Variants in GRXCR1 observed in about 807,000 individuals in gnomAD.
The protein encoded by GRXCR1 is glutaredoxin and cysteine rich domain containing 1, also known as glutaredoxin domain-containing cysteine-rich protein 1.
A neutral mutation model predicts 27.3 loss-of-function variants in GRXCR1; 27 were observed. The ratio of observed to expected loss-of-function variants is 0.99; its 90% CI spans 0.73 to 1.37. The LOEUF (loss-of-function observed/expected upper bound fraction) is 1.37. Among genes scored for constraint, GRXCR1 ranks in the 40% most tolerant of loss-of-function variants. The probability of loss-of-function intolerance (pLI) is 0.00; values close to 1 mark genes in which losing one functional copy is unlikely to be tolerated. For missense variants in GRXCR1, 379 were observed against 354.4 expected, an observed-to-expected ratio of 1.07 and a Z score of -0.56; for synonymous variants, 122 against 131.1, an observed-to-expected ratio of 0.93 and a Z score of 0.47.
chr4:42,980,513 G>T (rs1366460218), intron 2 of GRXCR1, among the ~76,000 whole-genome samples: 1 of 151,906 alleles, frequency 6.6e-6, no homozygotes, highest in Non-Finnish European at 1.5e-5. Context: ...TACTTGATAT[G>T]ATTTTAATCT....
chr4:42,941,277 C>T (rs1462251740), intron 1 of GRXCR1, among the ~76,000 whole-genome samples: 1 of 151,938 alleles, frequency 6.6e-6, no homozygotes, highest in East Asian at 1.9e-4. Context: ...TTTCAATTAC[C>T]ATTACTTGCT....
chr4:43,011,574 T>G (rs1309465194), intron 2 of GRXCR1, among the ~76,000 whole-genome samples: 2 of 151,972 alleles, frequency 1.3e-5, no homozygotes, highest in African/African-American at 4.8e-5. Context: ...TGTTTAACCT[T>G]GTTCACACTT....
At chr4:42,894,282 T>G (rs1746300291) in intron 1 of GRXCR1, among the ~76,000 whole-genome samples, 1 of 152,138 alleles carries the variant, frequency 6.6e-6, no homozygotes, top group Admixed American at 6.6e-5. Context: ...TTTTTAACAT[T>G]TATTACTTTA....
chr4:43,004,441 A>G (rs113183961), intron 2 of GRXCR1, among the ~76,000 whole-genome samples: 11,722 of 152,230 alleles, frequency 0.077, 799 homozygotes, highest in African/African-American at 0.19. Flanking sequence ...GAAGGCCACC[A>G]TCTTCCAGAC....
At chr4:43,026,254 A>G (rs1364075574) in intron 3 of GRXCR1, among the ~76,000 whole-genome samples, 1 of 152,176 alleles carries the variant, frequency 6.6e-6, no homozygotes, top group Non-Finnish European at 1.5e-5. Context: ...AAGAGCATCC[A>G]ATATAACCCA....
At position 43,019,969 on chromosome 4, in the gene GRXCR1, G is replaced by A. The variant is rs116398708; in HGVS notation, c.628-385G>A. 4.3e-3 allele frequency among the ~76,000 whole-genome samples: 658 copies of A among 152,236 alleles called. 6 individuals carry two copies. Among genetic ancestry groups the A allele is most frequent in the African/African-American group, 0.015 (621 of 41,540 alleles). On this transcript the variant is annotated intron_variant, in intron 2 of 3. Transcript: ENST00000399770. ...AGGGCCATGTCTAGTACTGCTTGGAGTAAGGTAGAGATAACCGAGGGTGGG... is the reference window on the plus strand; with the variant it reads ...AGGGCCATGTCTAGTACTGCTTGGAATAAGGTAGAGATAACCGAGGGTGGG...
chr4:42,983,088 T>A (rs1341281165), intron 2 of GRXCR1, among the ~76,000 whole-genome samples: 1 of 150,934 alleles, frequency 6.6e-6, no homozygotes, highest in Non-Finnish European at 1.5e-5. Flanking sequence ...TTTTGGCTTT[T>A]GTTGCCATTG....
At position 42,931,216 on chromosome 4, in the gene GRXCR1, G is replaced by A. The variant is rs544325469; in HGVS notation, c.385-31676G>A. 3.3e-5 allele frequency among the ~76,000 whole-genome samples: 5 copies of A among 152,058 alleles called. No homozygotes were observed. In the South Asian group the frequency reaches 1.0e-3, roughly 31 times the overall value. On this transcript the variant is annotated intron_variant, in intron 1 of 3. Transcript: ENST00000399770. ...TAAAAGGTTTTCTGTCCTGGTTACA[G>A]GCCCACTTCAATAAGTAAAATGTAC...
At chr4:42,954,305 G>A (rs1403061738) in intron 1 of GRXCR1, among the ~76,000 whole-genome samples, 2 of 152,132 alleles carry the variant, frequency 1.3e-5, no homozygotes, top group Non-Finnish European at 2.9e-5. Flanking sequence ...GCGTAGGGAT[G>A]AGTAATGGAA....
At chr4:42,916,338 C>G (rs979000775) in intron 1 of GRXCR1, among the ~76,000 whole-genome samples, 1 of 151,966 alleles carries the variant, frequency 6.6e-6, no homozygotes, top group Non-Finnish European at 1.5e-5. Context: ...CAAAGAGGAC[C>G]ACCTAAGAAA....
rs953601043 is a variant in GRXCR1, at chr4:42,950,978, G to A, written c.385-11914G>A. Among the ~76,000 whole-genome samples the A allele has an allele frequency of 2.6e-5, 4 of 151,870 alleles. No individual in the cohort carries two copies. In the East Asian group the frequency reaches 7.7e-4, roughly 29 times the overall value. ...ATATCTAGGAAGAGATTTATTACAT[G>A]GTATAGGCTCATGGGATTATGGAGG... is the stretch of plus-strand genomic sequence containing the variant. On this transcript the variant is annotated intron_variant, in intron 1 of 3. Transcript: ENST00000399770.
intron 2 of GRXCR1, among the ~76,000 whole-genome samples, chr4:42,993,631 T>G (rs1712050397): frequency 6.6e-6 from 1 of 152,166 alleles, no homozygotes; most frequent in Non-Finnish European, 1.5e-5. Context: ...TGTAATAAAC[T>G]CTTGAATATC....
Position 42,925,365 on chromosome 4 carries a change from T to G in GRXCR1, c.384+31715T>G, listed in dbSNP as rs140185086. Among the ~76,000 whole-genome samples the G allele has an allele frequency of 1.0e-3, 156 of 152,106 alleles. 1 individual carries two copies. The East Asian group carries it at 0.03, about 29-fold the overall frequency. On this transcript the variant is annotated intron_variant, in intron 1 of 3. Coordinates refer to ENST00000399770, the MANE Select transcript of GRXCR1 (RefSeq NM_001080476.3). The stretch of plus-strand genomic sequence containing the variant: ...TTTCATGTTTGTATTACTCAAGGAA[T>G]GTAAAAAACTTGAAATAATTCAATT...
intron 2 of GRXCR1, among the ~76,000 whole-genome samples, chr4:42,987,813 T>A (rs979510100): frequency 2.0e-5 from 3 of 152,200 alleles, no homozygotes; most frequent in Non-Finnish European, 4.4e-5. Flanking sequence ...CAGATCAATT[T>A]AGATCTCTAC....
At chr4:42,960,803 T>G (rs1258046816) in intron 1 of GRXCR1, among the ~76,000 whole-genome samples, 5 of 151,732 alleles carry the variant, frequency 3.3e-5, no homozygotes, top group Admixed American at 1.3e-4. Context: ...AGAGCTCAGG[T>G]ATATCTGATT....
chr4:42,965,503 C>T (rs1017181922), intron 2 of GRXCR1, among the ~76,000 whole-genome samples: 2 of 152,002 alleles, frequency 1.3e-5, no homozygotes, highest in Admixed American at 1.3e-4. Flanking sequence ...GGGCCCTTTT[C>T]CTGCACTATG....
At chr4:42,942,902 C>T (rs1306967427) in intron 1 of GRXCR1, among the ~76,000 whole-genome samples, 2 of 152,056 alleles carry the variant, frequency 1.3e-5, no homozygotes, top group Non-Finnish European at 2.9e-5. Context: ...TCATGGTGCT[C>T]ACAATTTACT....
intron 1 of GRXCR1, among the ~76,000 whole-genome samples, chr4:42,912,870 T>C (rs1227582129): frequency 6.6e-6 from 1 of 152,150 alleles, no homozygotes. Context: ...TGTAGATAAT[T>C]GAATCATGGG....
At chr4:42,952,060 T>C (rs536227143) in intron 1 of GRXCR1, among the ~76,000 whole-genome samples, 8 of 152,350 alleles carry the variant, frequency 5.3e-5, no homozygotes, top group African/African-American at 1.9e-4. Context: ...ATTATGCTTA[T>C]GCATCTCTGT....
Sources: gnomAD v4.1 joint callset for allele counts (sites outside exome capture counted in the v4.1 genomes callset) on GRCh38, gnomAD v4.1.1 for gene constraint, MANE v1.5 for transcripts, NCBI Gene and HGNC (gene_info 2026-07-23, HGNC 2026-07-21) for gene names.